The following PDE5A variants were observed in gnomAD, a reference collection of about 807,000 sequenced individuals.
PDE5A encodes cGMP-specific 3',5'-cyclic phosphodiesterase.
In PDE5A, 67 loss-of-function variants were observed where a neutral mutation model predicts 110.2. The observed-to-expected ratio is 0.61, with a 90% CI of 0.50 to 0.75. The LOEUF (loss-of-function observed/expected upper bound fraction) is 0.75. Among genes scored for constraint, PDE5A ranks in the 30% least tolerant of loss-of-function variants. The probability of loss-of-function intolerance (pLI) is 0.00; values close to 1 mark genes in which losing one functional copy is unlikely to be tolerated. For missense variants in PDE5A, 862 were observed against 1,045.1 expected, an observed-to-expected ratio of 0.82 and a Z score of 2.42; for synonymous variants, 328 against 351.2, an observed-to-expected ratio of 0.93 and a Z score of 0.74.
chr4:119,539,604 A>G (rs1199211304), intron 10 of PDE5A, among the ~76,000 whole-genome samples: 1 of 152,078 alleles, frequency 6.6e-6, no homozygotes, highest in African/African-American at 2.4e-5. Context: ...GCTGGCCTGT[A>G]AAGCCATCCA....
At chr4:119,572,855 T>C (rs1485248888) in intron 3 of PDE5A, among the ~76,000 whole-genome samples, 2 of 152,204 alleles carry the variant, frequency 1.3e-5, no homozygotes. Context: ...CCTTTATTAA[T>C]ACTATTAAAT....
At chr4:119,611,090 G>A (rs1729726487) in intron 1 of PDE5A, among the ~76,000 whole-genome samples, 1 of 152,124 alleles carries the variant, frequency 6.6e-6, no homozygotes, top group Non-Finnish European at 1.5e-5. Context: ...CCCTGTCTGG[G>A]ATGCTCTCCC....
chr4:119,538,822 A>G (rs560720421), intron 11 of PDE5A, 138 bp downstream of exon 11: 1 of 729,322 alleles, frequency 1.4e-6, no homozygotes, highest in African/African-American at 1.7e-5. Flanking sequence ...TTTGCTTTGT[A>G]TTATCAGTGA....
intron 12 of PDE5A, among the ~76,000 whole-genome samples, chr4:119,523,189 G>A (rs559246716): frequency 2.9e-4 from 44 of 152,110 alleles, no homozygotes; most frequent in African/African-American, 1.0e-3. Context: ...GGTAGAGAGT[G>A]GAACAGACAT....
At chr4:119,607,380 G>A in intron 1 of PDE5A, 83 bp from the exon 2 acceptor site, 1 of 716,848 alleles carries the variant, frequency 1.4e-6, no homozygotes, top group South Asian at 1.8e-5. Flanking sequence ...TCTTCTCATG[G>A]TAAACTGATG....
intron 15 of PDE5A, 52 bp from the exon 16 acceptor site, chr4:119,507,756 G>T: frequency 8.9e-7 from 1 of 1,127,568 alleles, no homozygotes; most frequent in Non-Finnish European, 1.3e-6. Flanking sequence ...CTGCTGACAA[G>T]AACAAAATCT....
chr4:119,498,757 G>T lies in PDE5A; in HGVS notation c.2491-19C>A. On this transcript the variant is annotated intron_variant, in intron 20 of 20. Coordinates refer to ENST00000354960, the MANE Select transcript of PDE5A (RefSeq NM_001083.4). ...TCAGGGCCTAAAGAGAAAAAAGAAAGCAAACAGCTAGAGAGAAGCCAGGAA... is the reference window on the plus strand; with the variant it reads ...TCAGGGCCTAAAGAGAAAAAAGAAATCAAACAGCTAGAGAGAAGCCAGGAA... The T allele has an allele frequency of 6.2e-7, 1 of 1,613,458 alleles. No homozygotes were observed. Among genetic ancestry groups the T allele is most frequent in the Non-Finnish European group, 8.5e-7 (1 of 1,179,670 alleles).
Position 119,606,843 on chromosome 4 carries a change from G to T in PDE5A, c.607C>A (p.Arg203Ser). Residue 203 changes from arginine (R) to serine (S), a missense_variant, in exon 2 of 21, where the codon CGC becomes AGC. By Grantham distance (110) the Arg-to-Ser change is moderately radical. Coordinates refer to ENST00000354960, the MANE Select transcript of PDE5A (RefSeq NM_001083.4). ...GAACCTTCAGCAACATCAAAGAGGC[G>T]GCTGATAAGAAACTTGTCATTGGAG... ...DSSNDKFLIS[R>S]LFDVAEGSTL... The T allele has an allele frequency of 6.2e-7, 1 of 1,614,098 alleles. No homozygotes were observed. The highest frequency in any genetic ancestry group is 8.5e-7 in the Non-Finnish European group (1 of 1,179,994).
intron 3 of PDE5A, among the ~76,000 whole-genome samples, chr4:119,587,996 G>A (rs557953906): frequency 6.6e-6 from 1 of 152,278 alleles, no homozygotes; most frequent in Admixed American, 6.5e-5. Context: ...TCTTGAGGCT[G>A]TGAGATAAAC....
At chr4:119,599,937 G>GA (rs1247074057) in intron 2 of PDE5A, among the ~76,000 whole-genome samples, 1 of 151,686 alleles carries the variant, frequency 6.6e-6, no homozygotes, top group Admixed American at 6.6e-5. Context: ...ATGAAGACAA[G>GA]AAAAAAATGA....
intron 16 of PDE5A, 96 bp downstream of exon 16, chr4:119,507,508 A>AT: frequency 1.2e-6 from 1 of 816,180 alleles, no homozygotes; most frequent in Non-Finnish European, 1.9e-6. Flanking sequence ...TTGCCAGGAC[A>AT]TTTCTGCTTT....
chr4:119,565,383 C>A lies in PDE5A; in HGVS notation c.931G>T (p.Gly311Cys). ...AGCTGAGCATTATGAAGAACAATAC[C>A]ACAAAATGCCAAATAAGCAGCAAAG... ...KDFAAYLAFC[G>C]IVLHNAQLYE... is the part of the protein sequence containing the mutation. The change falls in exon 5 of 21, where the codon GGT becomes TGT. Residue 311 changes from glycine to cysteine, a missense_variant. Gly to Cys is a radical substitution (Grantham distance 159). Transcript: ENST00000354960. 1 of 1,611,718 alleles carries A rather than the reference C, an allele frequency of 6.2e-7. No individual in the cohort carries two copies. Among genetic ancestry groups the A allele is most frequent in the Non-Finnish European group, 8.5e-7 (1 of 1,178,538 alleles).
chr4:119,547,473 A>G (rs977266733), intron 9 of PDE5A, among the ~76,000 whole-genome samples: 1 of 151,838 alleles, frequency 6.6e-6, no homozygotes, highest in Non-Finnish European at 1.5e-5. Context: ...TATTTGGGGA[A>G]GGCAACAGAG....
chr4:119,550,193 AC>A (rs1392271098), intron 9 of PDE5A: 1 of 151,900 alleles, frequency 6.6e-6, no homozygotes, highest in Non-Finnish European at 1.5e-5. Context: ...ACCTCCCTTC[AC>A]CCCACACAAA....
chr4:119,560,161 C>T (rs1002715007), intron 7 of PDE5A, 135 bp downstream of exon 7: 3 of 563,264 alleles, frequency 5.3e-6, no homozygotes, highest in South Asian at 2.6e-5. Flanking sequence ...GACTTAGGAC[C>T]GTAAATGTGA....
chr4:119,624,795 T>C (rs1730279431), intron 1 of PDE5A, among the ~76,000 whole-genome samples: 3 of 152,312 alleles, frequency 2.0e-5, no homozygotes, highest in South Asian at 2.1e-4. Context: ...AAAGCTTCAG[T>C]TGTAAAAGGC....
At chr4:119,567,288 C>T in intron 3 of PDE5A, 144 bp from the exon 4 acceptor site, 1 of 596,046 alleles carries the variant, frequency 1.7e-6, no homozygotes, top group South Asian at 2.3e-5. Context: ...CCCTCATCAG[C>T]ATTTGAGCAA....
intron 9 of PDE5A, chr4:119,543,870 C>G (rs1166505709): frequency 6.6e-6 from 1 of 152,200 alleles, no homozygotes; most frequent in African/African-American, 2.4e-5. Context: ...TTTCTATTCC[C>G]TTAACATGAC....
At chr4:119,596,170 G>A (rs1729143790) in intron 3 of PDE5A, among the ~76,000 whole-genome samples, 1 of 152,038 alleles carries the variant, frequency 6.6e-6, no homozygotes, top group African/African-American at 2.4e-5. Context: ...GTAGTTGGAT[G>A]AGCATTTATG....
Sources: gnomAD v4.1 joint callset for allele counts (sites outside exome capture counted in the v4.1 genomes callset) on GRCh38, gnomAD v4.1.1 for gene constraint, MANE v1.5 for transcripts, NCBI Gene and HGNC (gene_info 2026-07-23, HGNC 2026-07-21) for gene names.